FSD1L: variants seen among roughly 807,000 people sequenced by gnomAD.
The protein encoded by FSD1L is FSD1-like protein.
FSD1L carries 45 observed loss-of-function variants against 71.6 expected under a neutral mutation model. The observed-to-expected ratio is 0.63, with a 90% confidence interval of 0.49 to 0.81. The LOEUF (loss-of-function observed/expected upper bound fraction) is 0.81. Among genes scored for constraint, FSD1L ranks in the 30% least tolerant of loss-of-function variants. The pLI, the probability that FSD1L is intolerant of heterozygous loss-of-function variation, is 0.00. For synonymous variants in FSD1L, 197 were observed against 207.2 expected, an observed-to-expected ratio of 0.95 and a Z score of 0.42; for missense variants, 561 against 618.1, an observed-to-expected ratio of 0.91 and a Z score of 0.98.
intron 9 of FSD1L, among the ~76,000 whole-genome samples, chr9:105,509,714 G>A (rs1265694494): frequency 6.6e-6 from 1 of 152,176 alleles, no homozygotes; most frequent in Non-Finnish European, 1.5e-5. Context: ...CATCACAAAG[G>A]TCTGAAATAA....
At chr9:105,534,959 A>T (rs1439830397) in intron 11 of FSD1L, 108 bp from the exon 12 acceptor site, 31 of 1,013,254 alleles carry the variant, frequency 3.1e-5, no homozygotes, top group Non-Finnish European at 4.6e-5. Context: ...TTATAGGAAA[A>T]GTACTTGAAT....
intron 10 of FSD1L, chr9:105,520,718 C>T: frequency 1.2e-6 from 2 of 1,613,162 alleles, no homozygotes; most frequent in Non-Finnish European, 8.5e-7. Flanking sequence ...CATGCTTAAT[C>T]CCTGGATTTT....
At chr9:105,532,166 T>C (rs1238758128) in intron 10 of FSD1L, among the ~76,000 whole-genome samples, 1 of 152,172 alleles carries the variant, frequency 6.6e-6, no homozygotes, top group Non-Finnish European at 1.5e-5. Context: ...ATCAGGAAAA[T>C]AGAGCTGCAT....
intron 5 of FSD1L, among the ~76,000 whole-genome samples, chr9:105,475,226 C>CACATG (rs1164093936): frequency 6.6e-6 from 1 of 152,144 alleles, no homozygotes; most frequent in African/African-American, 2.4e-5. Flanking sequence ...AATCATGCCA[C>CACATG]ACATGCTCCG....
intron 13 of FSD1L, among the ~76,000 whole-genome samples, chr9:105,542,026 A>G (rs1347440697): frequency 2.0e-5 from 3 of 152,222 alleles, no homozygotes; most frequent in Non-Finnish European, 4.4e-5. Context: ...TCACCAGTTG[A>G]AAGACACTTG....
chr9:105,510,903 C>T (rs898483210), intron 9 of FSD1L, among the ~76,000 whole-genome samples: 3 of 151,856 alleles, frequency 2.0e-5, no homozygotes, highest in Admixed American at 2.0e-4. Context: ...ACTTTGTTTT[C>T]ACAGACTATT....
At chr9:105,524,822 C>T (rs927961045) in intron 10 of FSD1L, 190 of 1,586,372 alleles carry the variant, frequency 1.2e-4, no homozygotes, top group Non-Finnish European at 1.5e-4. Flanking sequence ...ATCCAATGAG[C>T]GGTGGTCCTG....
chr9:105,504,099 C>T (rs1431566009), intron 7 of FSD1L, among the ~76,000 whole-genome samples: 1 of 152,202 alleles, frequency 6.6e-6, no homozygotes, highest in East Asian at 1.9e-4. Context: ...TATGACTCAG[C>T]AAAATTTTCA....
intron 12 of FSD1L, among the ~76,000 whole-genome samples, chr9:105,536,782 G>C (rs1446289890): frequency 6.6e-6 from 1 of 151,928 alleles, no homozygotes; most frequent in Non-Finnish European, 1.5e-5. Context: ...GATTACAGGT[G>C]CATGCCACCA....
chr9:105,520,916 G>A (rs1035758054), intron 10 of FSD1L: 6 of 1,612,110 alleles, frequency 3.7e-6, no homozygotes, highest in Admixed American at 3.3e-5. Flanking sequence ...TAGTCATTCA[G>A]GTAAAAAGTT....
In FSD1L at chr9:105,534,372, G is replaced by C. The variant is rs1172718450; in HGVS notation, c.1026-121G>C. On this transcript the variant is annotated intron_variant, in intron 10 of 13. Transcript: ENST00000481272. ...ACTAGTTCAGATCAAATTGAATGGT[G>C]TTATTTCTATAACATAATTAGAAAT... The C allele has an allele frequency of 1.0e-5, 6 of 587,280 alleles. No homozygotes were observed. The African/African-American group carries it at 1.1e-4, about 11-fold the overall frequency. 36.4% of individuals were successfully genotyped at this position (587,280 alleles called of 1,614,324 possible).
intron 10 of FSD1L, among the ~76,000 whole-genome samples, chr9:105,514,060 T>C (rs1834553565): frequency 6.6e-6 from 1 of 152,180 alleles, no homozygotes; most frequent in African/African-American, 2.4e-5. Flanking sequence ...GCAACAAGGA[T>C]AAAAAATAAA....
rs953642841 is a variant in FSD1L at position 105,526,362 on chromosome 9, A to G, written c.1026-8131A>G. On this transcript the variant is annotated intron_variant, in intron 10 of 13. Coordinates refer to ENST00000481272, the MANE Select transcript of FSD1L (RefSeq NM_001145313.3). The stretch of plus-strand genomic sequence containing the variant: ...TACCATCTGATGCCGATCATTAAAT[A>G]TCAGTTCTGTTTATCTGAAGGCTCC... 2.5e-6 allele frequency: 4 copies of G among 1,612,530 alleles called. No individual in the cohort carries two copies. The African/African-American group carries it at 4.0e-5, about 16-fold the overall frequency.
chr9:105,491,882 G>A (rs552709551), intron 7 of FSD1L, among the ~76,000 whole-genome samples: 5 of 152,116 alleles, frequency 3.3e-5, no homozygotes, highest in Non-Finnish European at 7.3e-5. Context: ...TTTTTGATGT[G>A]CTGCTGGATT....
At chr9:105,517,117 G>A (rs1834776364) in intron 10 of FSD1L, among the ~76,000 whole-genome samples, 1 of 152,146 alleles carries the variant, frequency 6.6e-6, no homozygotes, top group African/African-American at 2.4e-5. Flanking sequence ...GAGAAGACAA[G>A]ATTAGAGAAA....
intron 6 of FSD1L, among the ~76,000 whole-genome samples, chr9:105,482,111 A>T (rs74409690): frequency 6.6e-6 from 1 of 152,164 alleles, no homozygotes; most frequent in East Asian, 1.9e-4. Context: ...GATGGATTTT[A>T]AGGGAGAATG....
upstream of FSD1L, among the ~76,000 whole-genome samples, chr9:105,445,140 C>T (rs2131539840): frequency 6.6e-6 from 1 of 152,258 alleles, no homozygotes; most frequent in East Asian, 1.9e-4. Flanking sequence ...GACTTAGAGC[C>T]CAGCTCGGTA....
intron 1 of FSD1L, 21 bp downstream of exon 1, chr9:105,448,256 CG>C: frequency 7.7e-7 from 1 of 1,295,600 alleles, no homozygotes; most frequent in Non-Finnish European, 1.0e-6. Context: ...GAGGGGAGCC[CG>C]GGGCTACCGA....
chr9:105,526,599 G>A (rs1282564634), intron 10 of FSD1L, among the ~76,000 whole-genome samples: 1 of 152,188 alleles, frequency 6.6e-6, no homozygotes, highest in East Asian at 1.9e-4. Context: ...AACCCTTTCA[G>A]GCCTTCATGT....
Sources: gnomAD v4.1 joint callset for allele counts (sites outside exome capture counted in the v4.1 genomes callset) on GRCh38, gnomAD v4.1.1 for gene constraint, MANE v1.5 for transcripts, NCBI Gene and HGNC (gene_info 2026-07-23, HGNC 2026-07-21) for gene names.